PTPRD: variants seen among roughly 807,000 people sequenced by gnomAD.
The protein encoded by PTPRD is protein tyrosine phosphatase receptor type D.
Under a neutral mutation model 214.5 loss-of-function variants are expected in PTPRD, and 34 were observed. The ratio of observed to expected loss-of-function variants is 0.16; its 90% CI spans 0.12 to 0.21. PTPRD has a LOEUF of 0.21. PTPRD is among the 10% of genes least tolerant of loss of function. The pLI is 1.00. For synonymous variants in PTPRD, 1,128 were observed against 845.7 expected (o/e 1.33, Z -5.79); for missense variants, 2,545 against 2,398.7 (o/e 1.06, Z -1.27).
At chr9:9,855,201 T>G (rs942432964) in intron 5 of PTPRD, among the ~76,000 whole-genome samples, 1 of 152,174 alleles carries the variant, frequency 6.6e-6, no homozygotes, top group Non-Finnish European at 1.5e-5. Flanking sequence ...ATGTTTTACT[T>G]TTTAACTTAC....
intron 9 of PTPRD, among the ~76,000 whole-genome samples, chr9:9,390,423 G>T (rs576992246): frequency 1.3e-5 from 2 of 152,010 alleles, no homozygotes; most frequent in East Asian, 1.9e-4. Flanking sequence ...TGAAATACTC[G>T]TCCACTCTAT....
intron 4 of PTPRD, among the ~76,000 whole-genome samples, chr9:10,026,415 G>A (rs2096924429): frequency 6.6e-6 from 1 of 152,152 alleles, no homozygotes; most frequent in Non-Finnish European, 1.5e-5. Flanking sequence ...TGAAATGATT[G>A]TGAACATATT....
intron 14 of PTPRD, among the ~76,000 whole-genome samples, chr9:8,602,228 C>A (rs777707387): frequency 6.6e-6 from 1 of 152,180 alleles, no homozygotes; most frequent in African/African-American, 2.4e-5. Flanking sequence ...AAATAGAAAA[C>A]TGTGAACATG....
intron 11 of PTPRD, among the ~76,000 whole-genome samples, chr9:8,816,611 G>C (rs902502401): frequency 1.3e-5 from 2 of 152,148 alleles, no homozygotes; most frequent in African/African-American, 4.8e-5. Context: ...AGTTCTGTTA[G>C]CAAACTCATA....
chr9:10,569,565 C>T (rs142392933), intron 2 of PTPRD, among the ~76,000 whole-genome samples: 95 of 151,334 alleles, frequency 6.3e-4, no homozygotes, highest in African/African-American at 2.3e-3. Flanking sequence ...TTTTTACCTC[C>T]ATTGAGTAGA....
At chr9:8,795,941 T>G (rs2096405645) in intron 11 of PTPRD, among the ~76,000 whole-genome samples, 2 of 152,206 alleles carry the variant, frequency 1.3e-5, no homozygotes, top group Admixed American at 6.5e-5. Context: ...CTTTTTACCT[T>G]GTATAGTTAC....
intron 9 of PTPRD, among the ~76,000 whole-genome samples, chr9:9,332,749 G>T: frequency 6.6e-6 from 1 of 151,766 alleles, no homozygotes; most frequent in East Asian, 1.9e-4. Context: ...TTTGTACAGA[G>T]GAGGGTTTTT....
chr9:8,908,225 A>G (rs1250079326), intron 11 of PTPRD, among the ~76,000 whole-genome samples: 1 of 152,204 alleles, frequency 6.6e-6, no homozygotes, highest in African/African-American at 2.4e-5. Flanking sequence ...AAAGCAAAAT[A>G]AAGACATTCT....
intron 3 of PTPRD, among the ~76,000 whole-genome samples, chr9:10,323,285 C>T (rs2096587557): frequency 1.2e-5 from 1 of 85,866 alleles, no homozygotes; most frequent in African/African-American, 4.6e-5. Context: ...CTCCCCTCTC[C>T]TCCCCTCCCC....
At chr9:9,263,716 C>A (rs988610158) in intron 9 of PTPRD, among the ~76,000 whole-genome samples, 2 of 151,664 alleles carry the variant, frequency 1.3e-5, no homozygotes, top group Non-Finnish European at 2.9e-5. Context: ...AAAACAAATA[C>A]TGCATATTCT....
At chr9:9,366,108 A>G (rs905436372) in intron 9 of PTPRD, among the ~76,000 whole-genome samples, 17 of 151,420 alleles carry the variant, frequency 1.1e-4, no homozygotes, top group African/African-American at 3.6e-4. Context: ...TACCCTACCT[A>G]TCTAATGAAC....
intron 2 of PTPRD, among the ~76,000 whole-genome samples, chr9:10,379,136 G>C (rs575047348): frequency 6.6e-6 from 1 of 151,412 alleles, no homozygotes; most frequent in Non-Finnish European, 1.5e-5. Flanking sequence ...TTGGCATAGA[G>C]AAATGCTACT....
chr9:10,400,362 A>T (rs1226616855), intron 2 of PTPRD, among the ~76,000 whole-genome samples: 2 of 151,934 alleles, frequency 1.3e-5, no homozygotes, highest in East Asian at 3.9e-4. Context: ...TAGTCAAGAC[A>T]AGTACTTTAA....
intron 11 of PTPRD, among the ~76,000 whole-genome samples, chr9:8,949,010 G>T (rs1395423213): frequency 6.6e-6 from 1 of 151,996 alleles, no homozygotes; most frequent in Admixed American, 6.6e-5. Context: ...GATCACCTGA[G>T]TTTAGGAGTT....
chr9:10,186,802 A>C (rs1258804976), intron 3 of PTPRD, among the ~76,000 whole-genome samples: 1 of 152,120 alleles, frequency 6.6e-6, no homozygotes, highest in Non-Finnish European at 1.5e-5. Context: ...GATTATTTTA[A>C]CATCTGGGGA....
At chr9:10,314,304 G>T (rs572675146) in intron 3 of PTPRD, among the ~76,000 whole-genome samples, 1 of 152,010 alleles carries the variant, frequency 6.6e-6, no homozygotes, top group African/African-American at 2.4e-5. Context: ...TAAAAAGGGT[G>T]AAATTTCCAA....
At chr9:9,742,188 G>A (rs138882637) in intron 6 of PTPRD, among the ~76,000 whole-genome samples, 103 of 152,246 alleles carry the variant, frequency 6.8e-4, no homozygotes, top group Admixed American at 2.9e-3. Context: ...TTTGTTGGCT[G>A]CATAAATGTC....
chr9:8,666,381 G>C (rs2097170858), intron 12 of PTPRD, among the ~76,000 whole-genome samples: 1 of 151,972 alleles, frequency 6.6e-6, no homozygotes, highest in African/African-American at 2.4e-5. Flanking sequence ...TTCTATTTCT[G>C]TTATTTTCCT....
At chr9:8,748,640 G>A (rs2093162090) in intron 11 of PTPRD, among the ~76,000 whole-genome samples, 1 of 151,998 alleles carries the variant, frequency 6.6e-6, no homozygotes, top group Non-Finnish European at 1.5e-5. Context: ...GGCCAGGCGT[G>A]GTGGCTTATG....
Sources: allele counts gnomAD v4.1 joint callset (sites outside exome capture counted in the v4.1 genomes callset), GRCh38; gene constraint gnomAD v4.1.1; transcripts MANE v1.5; gene names NCBI Gene and HGNC (gene_info 2026-07-23, HGNC 2026-07-21).